The following TUT7 variants were observed in gnomAD, a reference collection of about 807,000 sequenced individuals.
The protein encoded by TUT7 is terminal uridylyl transferase 7.
In TUT7, 33 loss-of-function variants were observed where a neutral mutation model predicts 165.9. The observed-to-expected ratio is 0.20, with a 90% CI of 0.15 to 0.27. The LOEUF (loss-of-function observed/expected upper bound fraction) is 0.27, where lower values mean the gene tolerates loss of function less well. Ranked by LOEUF, TUT7 falls within the 10% of genes least tolerant of loss-of-function variation. The pLI is 1.00. For missense variants in TUT7, 1,338 were observed against 1,762.3 expected (o/e 0.76, Z 4.31); for synonymous variants, 552 against 608.1 (o/e 0.91, Z 1.36).
chr9:86,301,543 C>G lies in TUT7; in HGVS notation c.4153G>C (p.Glu1385Gln), dbSNP rs774563044. The change falls in exon 26 of 27, where the codon GAA (glutamate) becomes CAA (glutamine). Residue 1385 changes from glutamate (E) to glutamine (Q), a missense_variant. Glu to Gln is a conservative substitution (Grantham distance 29). Coordinates refer to ENST00000375963, the MANE Select transcript of TUT7 (RefSeq NM_024617.4). ...TCTTTGTCCTCTTTGCTTCTTTTTTCCTTGTTCTCAGGGTATCTTTGGTTC... is the reference window on the plus strand; with the variant it reads ...TCTTTGTCCTCTTTGCTTCTTTTTTGCTTGTTCTCAGGGTATCTTTGGTTC... ...ALNQRYPENK[E>Q]KRSKEDKEIH... The G allele has an allele frequency of 1.9e-6, 3 of 1,613,536 alleles. No homozygotes were observed. The highest frequency in any genetic ancestry group is 1.7e-6 in the Non-Finnish European group (2 of 1,179,920).
At chr9:86,348,165 T>C (rs1242821647) in intron 2 of TUT7, among the ~76,000 whole-genome samples, 1 of 152,200 alleles carries the variant, frequency 6.6e-6, no homozygotes, top group Non-Finnish European at 1.5e-5. Flanking sequence ...TTGCTGTCAT[T>C]TTCTAGAAAG....
chr9:86,304,243 A>T (rs973330480), intron 24 of TUT7, among the ~76,000 whole-genome samples: 1 of 152,216 alleles, frequency 6.6e-6, no homozygotes, highest in Non-Finnish European at 1.5e-5. Flanking sequence ...TAAAAATAAG[A>T]ATAAAAAGTA....
rs1554709273 is a variant in TUT7, at chr9:86,340,995, G to A, written c.1138+7C>T. On this transcript the variant is annotated splice_region_variant and intron_variant, in intron 7 of 26. Transcript: ENST00000375963. Reference sequence around the variant, plus strand: ...AAAAATTTTTTAAATGTGGAATTTGGCCTTACCACTGTTCTTTAAACATTC... The same window carrying A: ...AAAAATTTTTTAAATGTGGAATTTGACCTTACCACTGTTCTTTAAACATTC... 14 of 1,608,716 alleles carry A rather than the reference G, an allele frequency of 8.7e-6. No homozygotes were observed. In the South Asian group the frequency reaches 1.5e-4, roughly 18 times the overall value.
intron 2 of TUT7, 70 bp downstream of exon 2, chr9:86,352,608 ACT>A: frequency 6.4e-7 from 1 of 1,563,678 alleles, no homozygotes; most frequent in Non-Finnish European, 8.8e-7. Flanking sequence ...AAATAACAAA[ACT>A]CATTTGGATG....
At chr9:86,329,523 CAAA>C (rs56393103) in intron 10 of TUT7, among the ~76,000 whole-genome samples, 1 of 132,654 alleles carries the variant, frequency 7.5e-6, no homozygotes. Flanking sequence ...AACTCCATCT[CAAA>C]AAAAAAAAAA....
At chr9:86,322,614 T>G (rs1829416408) in intron 13 of TUT7, 139 bp from the exon 14 acceptor site, 3 of 1,131,924 alleles carry the variant, frequency 2.7e-6, no homozygotes, top group Non-Finnish European at 3.7e-6. Flanking sequence ...TCCACTCAAA[T>G]GATCTGAGAG....
intron 26 of TUT7, among the ~76,000 whole-genome samples, chr9:86,288,954 GCAGA>G (rs1355780806): frequency 9.2e-5 from 14 of 152,160 alleles, no homozygotes; most frequent in Non-Finnish European, 4.4e-5. Context: ...CTTTCTGAAT[GCAGA>G]CAGGTTCCTA....
At position 86,301,267 on chromosome 9, in the gene TUT7, T is replaced by TGTCC; in HGVS notation, c.4420+5_4420+8dup. 6.2e-7 allele frequency: 1 copy of TGTCC among 1,606,702 alleles called. No individual in the cohort carries two copies. Among genetic ancestry groups the TGTCC allele is most frequent in the South Asian group, 1.1e-5 (1 of 90,292 alleles). ...AGAGCAAACATCAAGGTGTGATAGG[T>TGTCC]GTCCATACCTGAAGAGCCTTTAAAC... On this transcript the variant is annotated intron_variant, in intron 26 of 26. Transcript: ENST00000375963.
At chr9:86,313,503 C>T (rs1828421899) in intron 17 of TUT7, among the ~76,000 whole-genome samples, 1 of 152,126 alleles carries the variant, frequency 6.6e-6, no homozygotes, top group Non-Finnish European at 1.5e-5. Flanking sequence ...CAAACATTAC[C>T]TCCTTAGGTT....
intron 26 of TUT7, among the ~76,000 whole-genome samples, chr9:86,291,572 C>CAAAAAAAA (rs969598470): frequency 4.2e-5 from 2 of 48,102 alleles, no homozygotes; most frequent in African/African-American, 7.4e-5. Context: ...AACTCCATCT[C>CAAAAAAAA]AAAAAAAAAA....
chr9:86,318,181 G>A (rs1828905135), intron 16 of TUT7, among the ~76,000 whole-genome samples: 1 of 152,204 alleles, frequency 6.6e-6, no homozygotes, highest in African/African-American at 2.4e-5. Flanking sequence ...TAGGGACTCA[G>A]CACTTCCTAG....
chr9:86,319,607 C>T lies in TUT7; in HGVS notation c.3092G>A (p.Ser1031Asn). Residue 1031 changes from serine (S) to asparagine (N), a missense_variant, in exon 15 of 27, where the codon AGT (serine) becomes AAT (asparagine). Coordinates refer to ENST00000375963, the MANE Select transcript of TUT7 (RefSeq NM_024617.4). ...AREHIRQNLE[S>N]FIRQDFPGTK... ...ACCTGGAAAGTCCTGTCTTATGAAACTTTCTAGGTTTTGCCGAATATGTTC... is the reference window on the plus strand; with the variant it reads ...ACCTGGAAAGTCCTGTCTTATGAAATTTTCTAGGTTTTGCCGAATATGTTC... 6.2e-7 allele frequency: 1 copy of T among 1,607,156 alleles called. No homozygotes were observed. Among genetic ancestry groups the T allele is most frequent in the Non-Finnish European group, 8.5e-7 (1 of 1,177,766 alleles).
At position 86,301,341 on chromosome 9, in the gene TUT7, C is replaced by T. The variant is rs779703706; in HGVS notation, c.4355G>A (p.Arg1452His). ...CCCTTCTCTTCCACAAATAAAACAA[C>T]GTTTTTCTCTTAAGTCTTTGTCATC... ...RQDDKDLREK[R>H]CFICGREGHI... Residue 1452 changes from arginine (R) to histidine (H), a missense_variant, in exon 26 of 27, where the codon CGT (arginine) becomes CAT (histidine). Around this residue, in one of 7 missense-constraint regions of TUT7, gnomAD observed 167 missense variants for 204.9 expected, o/e 0.82. Transcript: ENST00000375963. 6 of 1,614,130 alleles carry T rather than the reference C, an allele frequency of 3.7e-6. No individual in the cohort carries two copies. The highest frequency in any genetic ancestry group is 2.5e-6 in the Non-Finnish European group (3 of 1,180,026).
intron 10 of TUT7, among the ~76,000 whole-genome samples, chr9:86,332,769 T>G (rs527483947): frequency 1.3e-5 from 2 of 152,218 alleles, no homozygotes; most frequent in African/African-American, 2.4e-5. Context: ...AATATTTAAG[T>G]TGATTACTGA....
intron 8 of TUT7, among the ~76,000 whole-genome samples, chr9:86,339,496 C>A (rs1217114530): frequency 6.6e-6 from 1 of 151,924 alleles, no homozygotes; most frequent in Admixed American, 6.6e-5. Flanking sequence ...CCAGCCTGGG[C>A]AACAGAGCGA....
At chr9:86,309,157 T>C in intron 21 of TUT7, 55 bp downstream of exon 21, 1 of 1,076,934 alleles carries the variant, frequency 9.3e-7, no homozygotes, top group Non-Finnish European at 1.4e-6. Flanking sequence ...TACACTGTAG[T>C]ATAGCTAATT....
intron 2 of TUT7, among the ~76,000 whole-genome samples, chr9:86,349,320 G>A (rs1387963265): frequency 6.6e-6 from 1 of 151,618 alleles, no homozygotes; most frequent in Non-Finnish European, 1.5e-5. Flanking sequence ...ATAATTACTT[G>A]GAGGAAGACT....
chr9:86,309,148 AC>A, intron 21 of TUT7, 63 bp downstream of exon 21: 5 of 985,566 alleles, frequency 5.1e-6, no homozygotes, highest in Non-Finnish European at 7.9e-6. Flanking sequence ...TTGAACATCT[AC>A]ACTGTAGTAT....
Position 86,346,320 on chromosome 9 carries a change from G to A in TUT7, c.681C>T (p.Asp227=). ...TTACCCTTTTTAGCCTGTCAATGCAGTCTCTCTTCAGTCTCTCCTCAGCCT... is the reference window on the plus strand; with the variant it reads ...TTACCCTTTTTAGCCTGTCAATGCAATCTCTCTTCAGTCTCTCCTCAGCCT... ...LQQAEERLKR[D]CIDRLKRRPR... is the part of the protein sequence containing the mutation. Residue 227 remains aspartate, a synonymous_variant, in exon 3 of 27, where the codon GAC becomes GAT. Transcript: ENST00000375963. 2 of 1,613,692 alleles carry A rather than the reference G, an allele frequency of 1.2e-6. No individual in the cohort carries two copies. Among genetic ancestry groups the A allele is most frequent in the Non-Finnish European group, 1.7e-6 (2 of 1,179,782 alleles).
Sources: allele counts gnomAD v4.1 joint callset (sites outside exome capture counted in the v4.1 genomes callset), GRCh38; gene constraint gnomAD v4.1.1; regional missense constraint gnomAD v4.1.1; transcripts MANE v1.5; gene names NCBI Gene and HGNC (gene_info 2026-07-23, HGNC 2026-07-21).